NAALADL2: variants seen among roughly 807,000 people sequenced by gnomAD.
The protein encoded by NAALADL2 is N-acetylated alpha-linked acidic dipeptidase like 2, also known as inactive N-acetylated-alpha-linked acidic dipeptidase-like protein 2.
A neutral mutation model predicts 87.2 loss-of-function variants in NAALADL2; 76 were observed. The ratio of observed to expected loss-of-function variants is 0.87; its 90% CI spans 0.72 to 1.05. The LOEUF (loss-of-function observed/expected upper bound fraction) is 1.05, where lower values mean the gene tolerates loss of function less well. Ranked by LOEUF, NAALADL2 falls within the 50% of genes least tolerant of loss-of-function variation. The pLI, the probability that NAALADL2 is intolerant of heterozygous loss-of-function variation, is 0.00. For synonymous variants in NAALADL2, 354 were observed against 331.0 expected (o/e 1.07, Z -0.75); for missense variants, 1,089 against 945.8 (o/e 1.15, Z -1.99).
intron 4 of NAALADL2, among the ~76,000 whole-genome samples, chr3:175,292,923 G>GCTACTC (rs1755827263): frequency 6.6e-6 from 1 of 151,124 alleles, no homozygotes; most frequent in African/African-American, 2.4e-5. Context: ...TGTAGTCCCA[G>GCTACTC]CTACTCGGGA....
Position 174,486,242 on chromosome 3 carries a change from C to A in NAALADL2, c.-184+45210C>A, listed in dbSNP as rs192276506. Among the ~76,000 whole-genome samples, 42 of 152,182 alleles carry A rather than the reference C, an allele frequency of 2.8e-4. 1 individual carries two copies. The highest frequency in any genetic ancestry group is 8.9e-4 in the African/African-American group (37 of 41,554). On this transcript the variant is annotated intron_variant, in intron 1 of 3. Coordinates refer to the NAALADL2 transcript ENST00000434257. ...AGGTTAGGCTCTGGTTAAATAGTTT[C>A]TCCTAAGGATATACATTGTTGAGAA...
chr3:175,590,197 G>A (rs1721191586), intron 10 of NAALADL2, among the ~76,000 whole-genome samples: 3 of 74,752 alleles, frequency 4.0e-5, no homozygotes, highest in Non-Finnish European at 8.9e-5. Context: ...GGGCGACAGA[G>A]CGAGACTCCG....
chr3:174,671,880 T>C (rs1026029320), intron 2 of NAALADL2, among the ~76,000 whole-genome samples: 3 of 151,996 alleles, frequency 2.0e-5, no homozygotes, highest in African/African-American at 7.2e-5. Flanking sequence ...ATGAAATAAT[T>C]CCTACAAGCT....
At chr3:174,827,955 A>T (rs1345345805) in intron 3 of NAALADL2, among the ~76,000 whole-genome samples, 1 of 152,058 alleles carries the variant, frequency 6.6e-6, no homozygotes, top group African/African-American at 2.4e-5. Flanking sequence ...GGCTGAGGCA[A>T]GAGGATCGCT....
rs147556982 is a variant in NAALADL2 at position 174,625,257 on chromosome 3, C to T, written c.-115+74620C>T. ...TATTTTAGTAGAGATGAGGTTTCAC[C>T]ATGTTGGCCAGGCTGGTCTCCAACT... On this transcript the variant is annotated intron_variant, in intron 2 of 3. Transcript: ENST00000434257. Among the ~76,000 whole-genome samples, 1,260 of 151,968 alleles carry T rather than the reference C, an allele frequency of 8.3e-3. 20 individuals are homozygous for T. The highest frequency in any genetic ancestry group is 0.029 in the African/African-American group (1,196 of 41,464).
intron 10 of NAALADL2, among the ~76,000 whole-genome samples, chr3:175,590,791 A>G: frequency 6.6e-6 from 1 of 152,188 alleles, no homozygotes; most frequent in East Asian, 1.9e-4. Context: ...GGGAGAGAGG[A>G]TACAATGAAA....
chr3:174,826,270 A>T (rs901175609), intron 3 of NAALADL2, among the ~76,000 whole-genome samples: 1 of 152,224 alleles, frequency 6.6e-6, no homozygotes, highest in Non-Finnish European at 1.5e-5. Context: ...TTCAGCACCT[A>T]GGACAGGTGG....
rs969859531 is a variant in NAALADL2 at position 175,429,797 on chromosome 3, T to G, written c.1091-17432T>G. Among the ~76,000 whole-genome samples the G allele has an allele frequency of 9.2e-5, 14 of 151,936 alleles. No individual in the cohort carries two copies. In the East Asian group the frequency reaches 2.7e-3, roughly 29 times the overall value. On this transcript the variant is annotated intron_variant, in intron 5 of 13. Coordinates refer to ENST00000454872, the MANE Select transcript of NAALADL2 (RefSeq NM_207015.3). ...AATAAAAGAATAACATCTGCAAACTTAAATAAAGAGGTCTTTAAGCCTTCC... is the reference window on the plus strand; with the variant it reads ...AATAAAAGAATAACATCTGCAAACTGAAATAAAGAGGTCTTTAAGCCTTCC...
intron 1 of NAALADL2, among the ~76,000 whole-genome samples, chr3:174,900,990 G>A (rs1268279899): frequency 6.6e-6 from 1 of 152,050 alleles, no homozygotes; most frequent in African/African-American, 2.4e-5. Flanking sequence ...TGTAGACAGA[G>A]GGTTGAAGAC....
chr3:174,886,796 T>C (rs1391770270), intron 1 of NAALADL2, among the ~76,000 whole-genome samples: 1 of 152,222 alleles, frequency 6.6e-6, no homozygotes, highest in African/African-American at 2.4e-5. Context: ...ATATTTTAAA[T>C]GTAAATCTTA....
chr3:174,756,022 G>C (rs920601914), intron 3 of NAALADL2, among the ~76,000 whole-genome samples: 2 of 152,124 alleles, frequency 1.3e-5, no homozygotes, highest in African/African-American at 2.4e-5. Flanking sequence ...ATTCATGAAC[G>C]GTCTGGGAGG....
At chr3:175,750,671 G>A (rs776795251) in intron 12 of NAALADL2, among the ~76,000 whole-genome samples, 1 of 152,066 alleles carries the variant, frequency 6.6e-6, no homozygotes, top group Non-Finnish European at 1.5e-5. Context: ...AAGATGTCCT[G>A]GATTTTTAGG....
chr3:175,689,155 TAGA>T (rs1736707082), intron 11 of NAALADL2, among the ~76,000 whole-genome samples: 1 of 152,200 alleles, frequency 6.6e-6, no homozygotes, highest in Non-Finnish European at 1.5e-5. Flanking sequence ...TGGCTTTTAT[TAGA>T]AGACAAAAGA....
chr3:175,021,552 C>T (rs1487680129), intron 1 of NAALADL2, among the ~76,000 whole-genome samples: 2 of 152,028 alleles, frequency 1.3e-5, no homozygotes, highest in East Asian at 3.9e-4. Context: ...AGTGGTCTCA[C>T]CCTCTTTCCC....
intron 13 of NAALADL2, among the ~76,000 whole-genome samples, chr3:175,757,030 G>GTGTA (rs1157604554): frequency 1.3e-5 from 2 of 151,378 alleles, no homozygotes; most frequent in Non-Finnish European, 1.5e-5. Flanking sequence ...TTGTGTGTAT[G>GTGTA]TGTATGTATG....
chr3:175,071,867 T>G (rs1220085836), intron 1 of NAALADL2, among the ~76,000 whole-genome samples: 7 of 152,086 alleles, frequency 4.6e-5, no homozygotes, highest in Non-Finnish European at 7.4e-5. Flanking sequence ...AGTGACTTCT[T>G]AAGTCTGGTC....
At chr3:174,960,999 TC>T in intron 1 of NAALADL2, among the ~76,000 whole-genome samples, 1 of 150,528 alleles carries the variant, frequency 6.6e-6, no homozygotes, top group South Asian at 2.1e-4. Context: ...ATCATGCCAT[TC>T]CACTCCAGAG....
rs546408850 is a variant in NAALADL2 at position 175,491,551 on chromosome 3, T to A, written c.1653+19793T>A. Among the ~76,000 whole-genome samples, 6 of 152,322 alleles carry A rather than the reference T, an allele frequency of 3.9e-5. No individual in the cohort carries two copies. The South Asian group carries it at 1.2e-3, about 32-fold the overall frequency. On this transcript the variant is annotated intron_variant, in intron 9 of 13. Transcript: ENST00000454872. ...AAGTTTAAAAATCATTCCCGATATA[T>A]GTTTCTAGTTATTTACTGTTTCATT...
intron 2 of NAALADL2, among the ~76,000 whole-genome samples, chr3:174,726,954 T>C (rs187903017): frequency 6.6e-6 from 1 of 152,298 alleles, no homozygotes; most frequent in East Asian, 1.9e-4. Context: ...ATTTTTCTTT[T>C]GTAAAGAGAA....
Sources: allele counts gnomAD v4.1 joint callset (sites outside exome capture counted in the v4.1 genomes callset), GRCh38; gene constraint gnomAD v4.1.1; transcripts MANE v1.5; gene names NCBI Gene and HGNC (gene_info 2026-07-23, HGNC 2026-07-21).